Variants in CELA1 observed in about 807,000 individuals in gnomAD.
The protein encoded by CELA1 is chymotrypsin-like elastase family member 1.
CELA1 carries 28 observed loss-of-function variants against 34.8 expected under a neutral mutation model. The observed-to-expected ratio is 0.80, with a 90% CI of 0.60 to 1.10. CELA1 has a LOEUF of 1.10. Ranked by LOEUF, CELA1 falls within the 50% of genes least tolerant of loss-of-function variation. CELA1 has a pLI of 0.00. For synonymous variants in CELA1, 140 were observed against 129.8 expected (o/e 1.08, Z -0.53); for missense variants, 288 against 327.5 (o/e 0.88, Z 0.93).
At chr12:51,346,038 C>G (rs1946563394) in intron 1 of CELA1, among the ~76,000 whole-genome samples, 161 bp from the exon 2 acceptor site, 1 of 152,104 alleles carries the variant, frequency 6.6e-6, no homozygotes, top group African/African-American at 2.4e-5. Flanking sequence ...CTCTGAGCCC[C>G]TTTTGAAAAC....
intron 6 of CELA1, among the ~76,000 whole-genome samples, chr12:51,333,717 C>T (rs1201605496): frequency 1.3e-5 from 2 of 152,122 alleles, no homozygotes; most frequent in African/African-American, 4.8e-5. Context: ...TAAAGTGGAA[C>T]TACCTGTACT....
chr12:51,329,190 G>C (rs897796495), intron 7 of CELA1, among the ~76,000 whole-genome samples: 12 of 150,288 alleles, frequency 8.0e-5, no homozygotes, highest in Admixed American at 2.0e-4. Flanking sequence ...GGAGGCAGAG[G>C]CTGCAGTGAG....
intron 7 of CELA1, among the ~76,000 whole-genome samples, 168 bp downstream of exon 7, chr12:51,329,516 G>A (rs555575453): frequency 2.0e-5 from 3 of 152,180 alleles, no homozygotes; most frequent in Admixed American, 6.5e-5. Flanking sequence ...CAGGATGGCA[G>A]CCTTATTGAA....
At chr12:51,345,943 G>A in intron 1 of CELA1, 66 bp from the exon 2 acceptor site, 1 of 1,114,500 alleles carries the variant, frequency 9.0e-7, no homozygotes, top group Non-Finnish European at 1.3e-6. Context: ...AGGGGTGGGG[G>A]GTGGCGATTG....
chr12:51,331,246 G>A (rs973871657), intron 6 of CELA1, among the ~76,000 whole-genome samples: 4 of 151,956 alleles, frequency 2.6e-5, no homozygotes, highest in Non-Finnish European at 5.9e-5. Flanking sequence ...AAAATTAGCC[G>A]GGCGTGGTGG....
At position 51,342,763 on chromosome 12, in the gene CELA1, G is replaced by A. The variant is rs553654541; in HGVS notation, c.201-63C>T. 24 of 1,529,648 alleles carry A rather than the reference G, an allele frequency of 1.6e-5. No homozygotes were observed. In the South Asian group the frequency reaches 2.7e-4, roughly 17 times the overall value. 94.8% of individuals were successfully genotyped at this position (1,529,648 alleles called of 1,614,324 possible). A position where few individuals can be genotyped will look rare whatever the true frequency, so the allele number is the denominator to read the frequency against. The stretch of plus-strand genomic sequence containing the variant: ...ACTCAAACCTTCTCTACCCCACTTA[G>A]AGAAAAGTTGAAAAACCATCTTTTT... On this transcript the variant is annotated intron_variant, in intron 3 of 7. Coordinates refer to ENST00000293636, the MANE Select transcript of CELA1 (RefSeq NM_001971.6).
intron 6 of CELA1, among the ~76,000 whole-genome samples, chr12:51,338,866 C>T (rs2137480180): frequency 6.6e-6 from 1 of 152,070 alleles, no homozygotes; most frequent in East Asian, 1.9e-4. Flanking sequence ...ATTCCCAGCA[C>T]TTTGGGAGGC....
chr12:51,338,576 T>A (rs1336415193), intron 6 of CELA1, among the ~76,000 whole-genome samples: 2 of 152,170 alleles, frequency 1.3e-5, no homozygotes, highest in African/African-American at 2.4e-5. Context: ...TTCTAGTTTC[T>A]TGGGGAAGGA....
intron 6 of CELA1, among the ~76,000 whole-genome samples, chr12:51,330,894 C>T (rs1298023482): frequency 2.1e-5 from 3 of 144,196 alleles, no homozygotes; most frequent in East Asian, 4.1e-4. Context: ...GGCGTGAACC[C>T]GGGAGGCAGA....
intron 6 of CELA1, among the ~76,000 whole-genome samples, chr12:51,333,934 G>A (rs1367042810): frequency 2.0e-5 from 3 of 152,174 alleles, no homozygotes; most frequent in Non-Finnish European, 2.9e-5. Context: ...GGAGGGTGTG[G>A]CTGAGGATTT....
chr12:51,328,641 T>A (rs767136845), intron 7 of CELA1, 47 bp from the exon 8 acceptor site: 4 of 1,609,014 alleles, frequency 2.5e-6, no homozygotes, highest in Non-Finnish European at 3.4e-6. Context: ...CCTGCCTACC[T>A]CCTTTCTTGT....
chr12:51,338,391 T>C (rs1946513695), intron 6 of CELA1, among the ~76,000 whole-genome samples: 1 of 151,962 alleles, frequency 6.6e-6, no homozygotes, highest in South Asian at 2.1e-4. Context: ...TAGATTCGGC[T>C]TGTGGACCTC....
chr12:51,332,559 G>A (rs1322695331), intron 6 of CELA1, among the ~76,000 whole-genome samples: 1 of 151,996 alleles, frequency 6.6e-6, no homozygotes, highest in African/African-American at 2.4e-5. Flanking sequence ...GCCAATTTAA[G>A]CTTCAATAAA....
Position 51,346,607 on chromosome 12 carries a change from GACCATATCCACTTACCATA to G in CELA1, c.13_16+15del. ...CCATAAAGGACCAGGGTTGCGACTG[GACCATATCCACTTACCATA>G]AAGGACCAGCATGTTGCCGATGGAG... On this transcript the variant is annotated splice_donor_variant and splice_donor_5th_base_variant and coding_sequence_variant and intron_variant, in exon 1 of 8. Coordinates refer to ENST00000293636, the MANE Select transcript of CELA1 (RefSeq NM_001971.6). LOFTEE classifies it high-confidence loss of function. The G allele has an allele frequency of 3.5e-6, 2 of 574,974 alleles. No homozygotes were observed. Among genetic ancestry groups the G allele is most frequent in the Non-Finnish European group, 4.8e-6 (2 of 417,336 alleles). 35.6% of individuals were successfully genotyped at this position (574,974 alleles called of 1,614,324 possible). A position where few individuals can be genotyped will look rare whatever the true frequency, so the allele number is the denominator to read the frequency against.
rs1262177566 is a variant in CELA1, at chr12:51,328,569, G to A, written c.*8C>T. 5 of 1,614,002 alleles carry A rather than the reference G, an allele frequency of 3.1e-6. No individual in the cohort carries two copies. Among genetic ancestry groups the A allele is most frequent in the African/African-American group, 1.3e-5 (1 of 74,924 alleles). ...ATTTTGGGAAGGTCGTTGGACTCAG[G>A]AAAATGTTCAGTTGGAGGCGATGAC... On this transcript the variant is annotated 3_prime_UTR_variant, in exon 8 of 8. Coordinates refer to ENST00000293636, the MANE Select transcript of CELA1 (RefSeq NM_001971.6).
intron 6 of CELA1, 63 bp downstream of exon 6, chr12:51,339,797 G>A (rs1046234555): frequency 3.0e-5 from 46 of 1,540,074 alleles, no homozygotes; most frequent in Non-Finnish European, 4.1e-5. Flanking sequence ...AGGTGAGGAA[G>A]AGGGGTGGAG....
intron 2 of CELA1, 123 bp from the exon 3 acceptor site, chr12:51,343,976 G>A: frequency 1.5e-6 from 1 of 651,714 alleles, no homozygotes; most frequent in Non-Finnish European, 2.8e-6. Flanking sequence ...AGGAGGATCA[G>A]TTGAGCCTAG....
intron 5 of CELA1, among the ~76,000 whole-genome samples, chr12:51,340,827 G>A (rs972874005): frequency 9.2e-5 from 14 of 152,188 alleles, no homozygotes; most frequent in Middle Eastern, 3.4e-3. Flanking sequence ...GCAATATAGC[G>A]AGATCCCATC....
chr12:51,342,365 C>T (rs749006794), intron 4 of CELA1, among the ~76,000 whole-genome samples: 21 of 152,192 alleles, frequency 1.4e-4, no homozygotes, highest in Admixed American at 9.2e-4. Flanking sequence ...TCCTCCTGGA[C>T]GAATGAGCCA....
Sources: allele counts gnomAD v4.1 joint callset (sites outside exome capture counted in the v4.1 genomes callset), GRCh38; gene constraint gnomAD v4.1.1; transcripts MANE v1.5; gene names NCBI Gene and HGNC (gene_info 2026-07-23, HGNC 2026-07-21).